ELOVL2: variants seen among roughly 807,000 people sequenced by gnomAD.
The protein encoded by ELOVL2 is ELOVL fatty acid elongase 2.
ELOVL2 carries 38 observed loss-of-function variants against 37.7 expected under a neutral mutation model. That is an observed-to-expected ratio of 1.01 (90% CI 0.78 to 1.32). The LOEUF is 1.32. Ranked by LOEUF, ELOVL2 falls within the 40% of genes most tolerant of loss-of-function variation. ELOVL2 has a pLI of 0.00. For synonymous variants in ELOVL2, 115 were observed against 122.3 expected (o/e 0.94, Z 0.40); for missense variants, 352 against 363.6 (o/e 0.97, Z 0.26).
intron 1 of ELOVL2, among the ~76,000 whole-genome samples, chr6:11,035,012 T>C (rs987711582): frequency 1.3e-5 from 2 of 151,904 alleles, no homozygotes; most frequent in Non-Finnish European, 2.9e-5. Context: ...TCTAAATAAA[T>C]AAATAAATAA....
At chr6:10,994,903 T>A in intron 5 of ELOVL2, 104 bp downstream of exon 5, 1 of 918,266 alleles carries the variant, frequency 1.1e-6, no homozygotes, top group East Asian at 2.7e-5. Flanking sequence ...GCTCTAGGCC[T>A]CCCTTCATGC....
At chr6:11,018,640 A>G (rs574051201) in intron 1 of ELOVL2, among the ~76,000 whole-genome samples, 1 of 152,354 alleles carries the variant, frequency 6.6e-6, no homozygotes, top group East Asian at 1.9e-4. Context: ...ACAAGCTCCC[A>G]GGTGATACTG....
chr6:11,042,871 T>C (rs531195294), intron 1 of ELOVL2, among the ~76,000 whole-genome samples: 1 of 152,326 alleles, frequency 6.6e-6, no homozygotes, highest in East Asian at 1.9e-4. Flanking sequence ...AAGTACCTAC[T>C]GTGCGCCAGG....
chr6:10,984,316 T>C (rs1275113364), intron 7 of ELOVL2, among the ~76,000 whole-genome samples: 2 of 152,120 alleles, frequency 1.3e-5, no homozygotes, highest in African/African-American at 2.4e-5. Context: ...CTGTGCCCAG[T>C]TGGGCACTGG....
chr6:11,000,985 C>T (rs1169144650), intron 3 of ELOVL2, among the ~76,000 whole-genome samples: 2 of 152,112 alleles, frequency 1.3e-5, no homozygotes, highest in African/African-American at 4.8e-5. Context: ...GAAGTTTTCT[C>T]CCTGTAAAAA....
intron 1 of ELOVL2, among the ~76,000 whole-genome samples, chr6:11,038,468 A>C (rs1215801805): frequency 6.6e-6 from 1 of 152,088 alleles, no homozygotes; most frequent in Non-Finnish European, 1.5e-5. Context: ...TGATGGGGCA[A>C]GACTCCAGCT....
intron 1 of ELOVL2, among the ~76,000 whole-genome samples, chr6:11,014,985 A>T (rs539637728): frequency 6.6e-6 from 1 of 152,354 alleles, no homozygotes; most frequent in Non-Finnish European, 1.5e-5. Context: ...ATGTCCATCA[A>T]CAGGTGACAA....
At chr6:10,989,637 C>G (rs1398210516) in intron 7 of ELOVL2, 66 bp downstream of exon 7, 1 of 1,490,436 alleles carries the variant, frequency 6.7e-7, no homozygotes, top group East Asian at 2.4e-5. Flanking sequence ...GAAACTCTGT[C>G]TCCAAAAAAA....
intron 1 of ELOVL2, among the ~76,000 whole-genome samples, chr6:11,029,816 T>A (rs1381826782): frequency 6.6e-6 from 1 of 152,226 alleles, no homozygotes; most frequent in Admixed American, 6.5e-5. Context: ...GGACACTGCA[T>A]GCAGTGGGTT....
At chr6:11,037,551 A>AT (rs1274022361) in intron 1 of ELOVL2, among the ~76,000 whole-genome samples, 1 of 152,146 alleles carries the variant, frequency 6.6e-6, no homozygotes, top group African/African-American at 2.4e-5. Context: ...AAAAAAAAAA[A>AT]AAAAAGTGAT....
chr6:11,030,457 A>C (rs1019577137), intron 1 of ELOVL2, among the ~76,000 whole-genome samples: 28 of 152,092 alleles, frequency 1.8e-4, no homozygotes, highest in Non-Finnish European at 4.1e-4. Context: ...ATGAATGTTA[A>C]AATTGTGTCA....
intron 2 of ELOVL2, among the ~76,000 whole-genome samples, chr6:11,008,924 C>A (rs1782524996): frequency 6.6e-6 from 1 of 152,136 alleles, no homozygotes; most frequent in Non-Finnish European, 1.5e-5. Flanking sequence ...AACAGGAAAA[C>A]CTCCTCATTC....
At chr6:10,996,882 T>A (rs1237664917) in intron 4 of ELOVL2, among the ~76,000 whole-genome samples, 1 of 151,484 alleles carries the variant, frequency 6.6e-6, no homozygotes, top group Non-Finnish European at 1.5e-5. Context: ...TGGTGGCGGG[T>A]GCCTGTAATC....
At chr6:10,993,774 G>A (rs1782208873) in intron 5 of ELOVL2, among the ~76,000 whole-genome samples, 1 of 151,482 alleles carries the variant, frequency 6.6e-6, no homozygotes, top group Non-Finnish European at 1.5e-5. Context: ...TGCAACCTCT[G>A]CCTCCCGGGC....
rs532186073 is a variant in ELOVL2, at chr6:11,009,765, T to G, written c.67+981A>C. 7.9e-5 allele frequency among the ~76,000 whole-genome samples: 12 copies of G among 152,300 alleles called. No individual in the cohort carries two copies. The South Asian group carries it at 2.5e-3, about 32-fold the overall frequency. On this transcript the variant is annotated intron_variant, in intron 2 of 7. Transcript: ENST00000354666. Reference sequence around the variant, plus strand: ...CAGCCCAAGGGTGCGCAGTCCATGATAAGAAGTTTGGTTTTTACCTGAGAG... The same window carrying G: ...CAGCCCAAGGGTGCGCAGTCCATGAGAAGAAGTTTGGTTTTTACCTGAGAG...
rs1164830988 is a variant in ELOVL2 at position 10,983,304 on chromosome 6, G to A, written c.*477C>T. 1.3e-5 allele frequency: 2 copies of A among 152,242 alleles called. No homozygotes were observed. The highest frequency in any genetic ancestry group is 4.8e-5 in the African/African-American group (2 of 41,448). 9.4% of individuals were successfully genotyped at this position (152,242 alleles called of 1,614,324 possible). A position where few individuals can be genotyped will look rare whatever the true frequency, so the allele number is the denominator to read the frequency against. On this transcript the variant is annotated 3_prime_UTR_variant, in exon 8 of 8. Transcript: ENST00000354666. ...TCCCATTTTAATATTTTCTGGGGTTGATTGCTAAAGGAACAAATGGAATGA... is the reference window on the plus strand; with the variant it reads ...TCCCATTTTAATATTTTCTGGGGTTAATTGCTAAAGGAACAAATGGAATGA...
chr6:10,996,185 C>T (rs1002609357), intron 4 of ELOVL2, among the ~76,000 whole-genome samples: 2 of 152,196 alleles, frequency 1.3e-5, no homozygotes, highest in Non-Finnish European at 2.9e-5. Flanking sequence ...AAATATCATG[C>T]TCTACTGTCT....
At chr6:11,013,091 T>C (rs935451092) in intron 1 of ELOVL2, among the ~76,000 whole-genome samples, 1 of 152,190 alleles carries the variant, frequency 6.6e-6, no homozygotes, top group Non-Finnish European at 1.5e-5. Context: ...AAGATTAACA[T>C]AGATAAAACA....
intron 7 of ELOVL2, among the ~76,000 whole-genome samples, chr6:10,984,608 G>A (rs1275752894): frequency 2.6e-4 from 39 of 148,230 alleles, no homozygotes; most frequent in Non-Finnish European, 1.8e-4. Context: ...AGAACATGCG[G>A]TGTTTGGTTT....
Sources: allele counts gnomAD v4.1 joint callset (sites outside exome capture counted in the v4.1 genomes callset), GRCh38; gene constraint gnomAD v4.1.1; transcripts MANE v1.5; gene names NCBI Gene and HGNC (gene_info 2026-07-23, HGNC 2026-07-21).